The following COX10 variants were observed in gnomAD, a reference collection of about 807,000 sequenced individuals.
COX10 encodes the protein protoheme IX farnesyltransferase, mitochondrial.
In COX10, 27 loss-of-function variants were observed where a neutral mutation model predicts 37.3. The ratio of observed to expected loss-of-function variants is 0.72; its 90% CI spans 0.53 to 1.00. The LOEUF (loss-of-function observed/expected upper bound fraction) is 1.00. COX10 is among the 50% of genes least tolerant of loss of function. COX10 has a pLI of 0.00. For synonymous variants in COX10, 222 were observed against 229.1 expected (o/e 0.97, Z 0.28); for missense variants, 475 against 563.2 (o/e 0.84, Z 1.59).
At chr17:14,077,238 T>C (rs2142182739) in intron 3 of COX10, 182 bp downstream of exon 3, 1 of 620,824 alleles carries the variant, frequency 1.6e-6, no homozygotes, top group East Asian at 2.8e-5. Context: ...TTACACAGAA[T>C]TGTAAATAGT....
At chr17:14,189,048 G>A (rs1452601054) in intron 5 of COX10, among the ~76,000 whole-genome samples, 279 of 144,216 alleles carry the variant, frequency 1.9e-3, no homozygotes, top group African/African-American at 6.9e-3. Flanking sequence ...GTAAAGCCAT[G>A]TTTCACCTCC....
At chr17:14,135,153 T>G (rs969871704) in intron 4 of COX10, among the ~76,000 whole-genome samples, 2 of 151,792 alleles carry the variant, frequency 1.3e-5, no homozygotes, top group African/African-American at 2.4e-5. Flanking sequence ...GGTAAAACAT[T>G]TAGAAATTTT....
At chr17:14,094,287 A>G (rs1294622616) in intron 3 of COX10, among the ~76,000 whole-genome samples, 1 of 150,828 alleles carries the variant, frequency 6.6e-6, no homozygotes, top group Non-Finnish European at 1.5e-5. Context: ...TATATTTATA[A>G]TATTTATGCT....
At chr17:14,104,038 C>A (rs555656052) in intron 4 of COX10, among the ~76,000 whole-genome samples, 2 of 152,096 alleles carry the variant, frequency 1.3e-5, no homozygotes, top group Admixed American at 1.3e-4. Flanking sequence ...GCTGGAACTC[C>A]GTGTCATGTT....
chr17:14,124,854 A>G (rs913949844), intron 4 of COX10, among the ~76,000 whole-genome samples: 2 of 152,168 alleles, frequency 1.3e-5, no homozygotes, highest in Non-Finnish European at 2.9e-5. Context: ...TTACTTGTTT[A>G]ATGTTAAGTC....
intron 4 of COX10, among the ~76,000 whole-genome samples, chr17:14,110,780 G>C (rs976595782): frequency 2.0e-5 from 3 of 152,052 alleles, no homozygotes; most frequent in Non-Finnish European, 4.4e-5. Context: ...TGGCATTGAT[G>C]TAAAAACTGA....
At chr17:14,114,060 C>T (rs957760434) in intron 4 of COX10, among the ~76,000 whole-genome samples, 3 of 152,170 alleles carry the variant, frequency 2.0e-5, no homozygotes, top group African/African-American at 7.2e-5. Context: ...CAAATTAAAA[C>T]ACCAGATCCT....
chr17:14,178,590 C>T (rs1308724651), intron 5 of COX10, among the ~76,000 whole-genome samples: 5 of 149,224 alleles, frequency 3.4e-5, no homozygotes, highest in African/African-American at 1.2e-4. Context: ...CTTTTTGTAG[C>T]CGACTTCTGG....
At chr17:14,139,540 A>C (rs1315964560) in intron 4 of COX10, among the ~76,000 whole-genome samples, 2 of 152,212 alleles carry the variant, frequency 1.3e-5, no homozygotes, top group Non-Finnish European at 2.9e-5. Context: ...AAAGTTTCAC[A>C]TGAAATAACC....
chr17:14,158,495 A>AT lies in COX10; in HGVS notation c.625-1375dup, dbSNP rs914468443. On this transcript the variant is annotated intron_variant, in intron 4 of 6. Coordinates refer to ENST00000261643, the MANE Select transcript of COX10 (RefSeq NM_001303.4). ...ATTTGTCTTTTTAGCACTAGTGTTT[A>AT]TTTTTTTCTAATATTTATAGAACAC... 2.0e-5 allele frequency among the ~76,000 whole-genome samples: 3 copies of AT among 151,594 alleles called. No homozygotes were observed. In the South Asian group the frequency reaches 6.2e-4, roughly 32 times the overall value.
Position 14,096,287 on chromosome 17 carries a change from C to A in COX10, c.500-5831C>A, listed in dbSNP as rs189041499. On this transcript the variant is annotated intron_variant, in intron 3 of 6. Coordinates refer to ENST00000261643, the MANE Select transcript of COX10 (RefSeq NM_001303.4). ...GGGGATTAAGTTTCAACATGAATTT[C>A]TGAGGGGACCAACTTTCAGACCATA... 7.2e-5 allele frequency among the ~76,000 whole-genome samples: 11 copies of A among 151,758 alleles called. No individual in the cohort carries two copies. In the East Asian group the frequency reaches 1.9e-3, roughly 27 times the overall value.
chr17:14,201,758 C>T (rs573333307), intron 6 of COX10, among the ~76,000 whole-genome samples: 4 of 152,290 alleles, frequency 2.6e-5, no homozygotes, highest in African/African-American at 4.8e-5. Context: ...ACACTTCCCC[C>T]GTGCTTGTGG....
chr17:14,197,548 C>T (rs1353896725), intron 6 of COX10, among the ~76,000 whole-genome samples: 1 of 152,224 alleles, frequency 6.6e-6, no homozygotes, highest in Non-Finnish European at 1.5e-5. Context: ...GACCGGCCCA[C>T]TTCGGGAATC....
chr17:14,077,759 G>C (rs979412807), intron 3 of COX10, among the ~76,000 whole-genome samples: 3 of 152,134 alleles, frequency 2.0e-5, no homozygotes, highest in Non-Finnish European at 4.4e-5. Context: ...GGGAGACCTG[G>C]TTTATTCTTC....
At chr17:14,202,088 CTCTCTT>C (rs1469152453) in intron 6 of COX10, among the ~76,000 whole-genome samples, 3 of 134,398 alleles carry the variant, frequency 2.2e-5, no homozygotes, top group Admixed American at 7.4e-5. Context: ...AAACAGATCT[CTCTCTT>C]TTTTTTTTTT....
At chr17:14,154,299 G>A (rs1035340740) in intron 4 of COX10, among the ~76,000 whole-genome samples, 1 of 152,156 alleles carries the variant, frequency 6.6e-6, no homozygotes, top group African/African-American at 2.4e-5. Context: ...CCTTAATGAA[G>A]TTATGACTGT....
chr17:14,179,208 G>C, intron 5 of COX10: 1 of 980,504 alleles, frequency 1.0e-6, no homozygotes, highest in Non-Finnish European at 1.2e-6. Context: ...TTTCAGAGAA[G>C]ACAGAGAGAT....
At chr17:14,147,253 C>T (rs868726794) in intron 4 of COX10, among the ~76,000 whole-genome samples, 1 of 152,140 alleles carries the variant, frequency 6.6e-6, no homozygotes, top group Non-Finnish European at 1.5e-5. Flanking sequence ...AACTAAATGT[C>T]TATCAGCAGA....
At chr17:14,187,758 T>C (rs961251102) in intron 5 of COX10, among the ~76,000 whole-genome samples, 5 of 152,254 alleles carry the variant, frequency 3.3e-5, no homozygotes, top group African/African-American at 1.2e-4. Context: ...ATTCCACTGA[T>C]TGAGGGCTCC....
Sources: allele counts gnomAD v4.1 joint callset (sites outside exome capture counted in the v4.1 genomes callset), GRCh38; gene constraint gnomAD v4.1.1; transcripts MANE v1.5; gene names NCBI Gene and HGNC (gene_info 2026-07-23, HGNC 2026-07-21).